The following SCN2A variants were observed in gnomAD, a reference collection of about 807,000 sequenced individuals.
SCN2A encodes the protein sodium voltage-gated channel alpha subunit 2.
SCN2A carries 20 observed loss-of-function variants against 188.7 expected under a neutral mutation model. The observed-to-expected ratio is 0.11, with a 90% CI of 0.07 to 0.15. The LOEUF is 0.15. Ranked by LOEUF, SCN2A falls within the 10% of genes least tolerant of loss-of-function variation. The pLI is 1.00. For synonymous variants in SCN2A, 804 were observed against 833.1 expected (o/e 0.97, Z 0.60); for missense variants, 1,278 against 2,445.0 (o/e 0.52, Z 10.07).
intron 12 of SCN2A, among the ~76,000 whole-genome samples, chr2:165,326,352 T>A (rs1376675519): frequency 6.6e-6 from 1 of 152,226 alleles, no homozygotes; most frequent in Non-Finnish European, 1.5e-5. Context: ...TTGGGAAATA[T>A]TACCTGTGTC....
chr2:165,343,506 T>C (rs1034177845), intron 15 of SCN2A, among the ~76,000 whole-genome samples: 1 of 152,320 alleles, frequency 6.6e-6, no homozygotes, highest in East Asian at 1.9e-4. Flanking sequence ...AAGCATAGTA[T>C]CACTAGAATC....
chr2:165,298,075 T>A (rs1696603753), intron 3 of SCN2A, among the ~76,000 whole-genome samples: 1 of 152,122 alleles, frequency 6.6e-6, no homozygotes, highest in Admixed American at 6.6e-5. Context: ...ACAGAAGTCA[T>A]GGGAGGAGGA....
rs1693527589 is a variant in SCN2A at position 165,239,552 on chromosome 2, G to C, written c.-140G>C. The C allele has an allele frequency of 1.2e-6, 1 of 852,108 alleles. No homozygotes were observed. Among genetic ancestry groups the C allele is most frequent in the Non-Finnish European group, 1.4e-6 (1 of 708,634 alleles). The allele number at this position is 852,108 out of a possible 1,614,324, so 52.8% of individuals were successfully genotyped here. On this transcript the variant is annotated 5_prime_UTR_variant, in exon 1 of 27. Transcript: ENST00000375437. ...ATGTGAGATTTTACTTTCTACTCCAGTAAAAATTCTGAAGAATTGCATTGG... is the reference window on the plus strand; with the variant it reads ...ATGTGAGATTTTACTTTCTACTCCACTAAAAATTCTGAAGAATTGCATTGG...
chr2:165,312,496 A>G lies in SCN2A; in HGVS notation c.1034+408A>G, dbSNP rs1017950796. ...CTGAGACATGGGGAGTATTTAGCAT[A>G]TTTTAGCAAAGTGGTTACAAACATA... On this transcript the variant is annotated intron_variant, in intron 8 of 26. Coordinates refer to ENST00000375437, the MANE Select transcript of SCN2A (RefSeq NM_001040142.2). 4.6e-5 allele frequency among the ~76,000 whole-genome samples: 7 copies of G among 152,126 alleles called. No homozygotes were observed. In the South Asian group the frequency reaches 1.4e-3, roughly 31 times the overall value.
In SCN2A at chr2:165,291,491, T is replaced by TTTCTTTTCTTTCTTTC. The variant is rs1389976633; in HGVS notation, c.-51-4280_-51-4279insCTTTTCTTTCTTTCTT. On this transcript the variant is annotated intron_variant, in intron 1 of 26. Transcript: ENST00000375437. ...CTTTCTTTCTTTCTTTCTTTCTTTC[T>TTTCTTTTCTTTCTTTC]TTTCTTTCTTTCTTTCTTTCTTCCT... 4.4e-4 allele frequency among the ~76,000 whole-genome samples: 17 copies of TTTCTTTTCTTTCTTTC among 38,858 alleles called. 1 individual carries two copies. Among genetic ancestry groups the TTTCTTTTCTTTCTTTC allele is most frequent in the African/African-American group, 1.4e-3 (15 of 11,018 alleles). The allele number at this position is 38,858 out of a possible 152,430, so 25.5% of individuals were successfully genotyped here. A position where few individuals can be genotyped will look rare whatever the true frequency, so the allele number is the denominator to read the frequency against.
intron 1 of SCN2A, among the ~76,000 whole-genome samples, chr2:165,243,558 C>T (rs545607987): frequency 4.7e-5 from 7 of 150,070 alleles, no homozygotes; most frequent in African/African-American, 7.4e-5. Flanking sequence ...GCTGAGATTG[C>T]GCCACTGCAC....
At chr2:165,348,055 A>G (rs1699692968) in intron 16 of SCN2A, among the ~76,000 whole-genome samples, 1 of 152,144 alleles carries the variant, frequency 6.6e-6, no homozygotes, top group South Asian at 2.1e-4. Flanking sequence ...TACCATAACA[A>G]GTAATTTAAT....
At chr2:165,267,201 G>A (rs1339787283) in intron 1 of SCN2A, 1 of 151,888 alleles carries the variant, frequency 6.6e-6, no homozygotes, top group Non-Finnish European at 1.5e-5. Context: ...GCAATCTTAA[G>A]TAAAAATAAT....
intron 7 of SCN2A, among the ~76,000 whole-genome samples, chr2:165,310,973 T>C (rs536432554): frequency 1.3e-5 from 2 of 152,240 alleles, no homozygotes; most frequent in African/African-American, 2.4e-5. Flanking sequence ...GGAAATAATT[T>C]GGCCCTATTT....
Position 165,386,668 on chromosome 2 carries a change from G to T in SCN2A, c.4552-78G>T. On this transcript the variant is annotated intron_variant, in intron 25 of 26. Transcript: ENST00000375437. ...TTTTATAAAAGCTACATTTTTTGTT[G>T]CTTTCTTAAAATCAGAAGAATTGAA... The T allele has an allele frequency of 5.7e-6, 8 of 1,398,084 alleles. No homozygotes were observed. In the Admixed American group the frequency reaches 8.1e-5, roughly 14 times the overall value. The allele number at this position is 1,398,084 out of a possible 1,614,324, so 86.6% of individuals were successfully genotyped here.
At position 165,373,247 on chromosome 2, in the gene SCN2A, C is replaced by A; in HGVS notation, c.3872C>A (p.Ala1291Glu). The A allele has an allele frequency of 1.9e-6, 3 of 1,613,412 alleles. No homozygotes were observed. Among genetic ancestry groups the A allele is most frequent in the Non-Finnish European group, 2.5e-6 (3 of 1,179,474 alleles). Residue 1291 changes from alanine to glutamate, a missense_variant, in exon 21 of 27, where the codon GCA (alanine) becomes GAA (glutamate). Physicochemically the swap from Ala to Glu is moderately radical, Grantham distance 107. Around this residue, in one of 17 missense-constraint regions of SCN2A, gnomAD observed 39 missense variants for 130.2 expected, o/e 0.30. Coordinates refer to ENST00000375437, the MANE Select transcript of SCN2A (RefSeq NM_001040142.2). The stretch of plus-strand genomic sequence containing the variant: ...TAGGTCTCACTGGTTAGCTTAACTG[C>A]AAATGCCTTGGGTTACTCAGAACTT... Reference protein sequence around the residue: ...IVDVSLVSLTANALGYSELGA... With the variant: ...IVDVSLVSLTENALGYSELGA...
chr2:165,346,956 G>A (rs752586353), intron 16 of SCN2A, among the ~76,000 whole-genome samples: 3 of 152,236 alleles, frequency 2.0e-5, no homozygotes, highest in Non-Finnish European at 2.9e-5. Context: ...ATGCTGGAGA[G>A]GATGTGGAGA....
At chr2:165,344,955 G>A in intron 16 of SCN2A, 44 bp downstream of exon 16, 1 of 1,610,672 alleles carries the variant, frequency 6.2e-7, no homozygotes. Flanking sequence ...AAAAGATAAT[G>A]TAATCATTAA....
intron 1 of SCN2A, chr2:165,267,818 C>T (rs188047506): frequency 1.3e-5 from 2 of 151,990 alleles, no homozygotes; most frequent in East Asian, 1.9e-4. Flanking sequence ...CAAAAGAAGG[C>T]ATACAAATGG....
intron 1 of SCN2A, among the ~76,000 whole-genome samples, chr2:165,291,792 C>A (rs1696219019): frequency 6.6e-6 from 1 of 151,558 alleles, no homozygotes; most frequent in Admixed American, 6.6e-5. Flanking sequence ...CAATGATAAC[C>A]CTGACTACTC....
intron 3 of SCN2A, among the ~76,000 whole-genome samples, chr2:165,307,037 G>C (rs1697176302): frequency 6.6e-6 from 1 of 152,070 alleles, no homozygotes; most frequent in Non-Finnish European, 1.5e-5. Context: ...TAATGTCAAG[G>C]AAAGTGAAGG....
Position 165,307,935 on chromosome 2 carries a change from G to C in SCN2A, c.474G>C (p.Val158=). ...ACCCTCCAGACTGGACAAAGAATGT[G>C]GAGTAAGTATAAATATTTTTCAATA... ...MSNPPDWTKN[V]EYTFTGIYTF... Residue 158 remains valine (V), a splice_region_variant and synonymous_variant, in exon 4 of 27, where the codon GTG becomes GTC. Transcript: ENST00000375437. The C allele has an allele frequency of 6.3e-7, 1 of 1,593,000 alleles. No individual in the cohort carries two copies. Among genetic ancestry groups the C allele is most frequent in the Non-Finnish European group, 8.6e-7 (1 of 1,161,094 alleles).
At chr2:165,340,145 A>C (rs1699232140) in intron 14 of SCN2A, among the ~76,000 whole-genome samples, 1 of 152,226 alleles carries the variant, frequency 6.6e-6, no homozygotes, top group South Asian at 2.1e-4. Flanking sequence ...ATCAATAAGG[A>C]TTGTAGACTA....
Position 165,314,137 on chromosome 2 carries a change from T to C in SCN2A, c.1383+29T>C, listed in dbSNP as rs1291550495. 3 of 1,601,360 alleles carry C rather than the reference T, an allele frequency of 1.9e-6. No individual in the cohort carries two copies. In the African/African-American group the frequency reaches 4.0e-5, roughly 21 times the overall value. On this transcript the variant is annotated intron_variant, in intron 10 of 26. Transcript: ENST00000375437. ...TAGTGAACAAGCATACGGTCCTTTGTTTTTCTTTATCTAAATTCTTTAACC... is the reference window on the plus strand; with the variant it reads ...TAGTGAACAAGCATACGGTCCTTTGCTTTTCTTTATCTAAATTCTTTAACC...
Sources: allele counts gnomAD v4.1 joint callset (sites outside exome capture counted in the v4.1 genomes callset), GRCh38; gene constraint gnomAD v4.1.1; regional missense constraint gnomAD v4.1.1; transcripts MANE v1.5; gene names NCBI Gene and HGNC (gene_info 2026-07-23, HGNC 2026-07-21).